SLIT1: variants seen among roughly 807,000 people sequenced by gnomAD.
SLIT1 encodes the protein slit guidance ligand 1.
In SLIT1, 66 loss-of-function variants were observed where a neutral mutation model predicts 186.1. The ratio of observed to expected loss-of-function variants is 0.35; its 90% CI spans 0.29 to 0.44. The LOEUF (loss-of-function observed/expected upper bound fraction) is 0.44. SLIT1 is among the 20% of genes least tolerant of loss of function. SLIT1 has a pLI of 1.00. For missense variants in SLIT1, 1,638 were observed against 2,037.4 expected, an observed-to-expected ratio of 0.80 and a Z score of 3.77; for synonymous variants, 761 against 833.8, an observed-to-expected ratio of 0.91 and a Z score of 1.50.
At chr10:97,040,367 G>A (rs1460193032) in intron 20 of SLIT1, among the ~76,000 whole-genome samples, 5 of 152,158 alleles carry the variant, frequency 3.3e-5, no homozygotes, top group Non-Finnish European at 5.9e-5. Flanking sequence ...AACTCAAAGT[G>A]GACCTGGTCA....
chr10:97,100,635 A>AAG (rs1436303197), intron 4 of SLIT1, among the ~76,000 whole-genome samples: 1 of 151,942 alleles, frequency 6.6e-6, no homozygotes, highest in Admixed American at 6.6e-5. Context: ...TCTGTCTCAA[A>AAG]AAAAAAAAAA....
chr10:97,128,927 A>G (rs981299531), intron 4 of SLIT1, among the ~76,000 whole-genome samples: 1 of 40,570 alleles, frequency 2.5e-5, no homozygotes, highest in Non-Finnish European at 1.0e-4. Flanking sequence ...AAACTAAGAC[A>G]AAAAAAAATC....
chr10:97,091,214 A>G (rs577423951), intron 4 of SLIT1, among the ~76,000 whole-genome samples: 2 of 152,294 alleles, frequency 1.3e-5, no homozygotes, highest in South Asian at 4.1e-4. Context: ...CTGAAAACCA[A>G]TTAGTGTGGA....
At chr10:97,073,703 A>G (rs1201369694) in intron 4 of SLIT1, among the ~76,000 whole-genome samples, 1 of 152,168 alleles carries the variant, frequency 6.6e-6, no homozygotes, top group African/African-American at 2.4e-5. Context: ...TGCTGAGGAC[A>G]AAGCCCACAG....
chr10:97,059,349 G>A, intron 11 of SLIT1, 111 bp downstream of exon 11: 1 of 864,116 alleles, frequency 1.2e-6, no homozygotes. Context: ...GGGCTGTGTG[G>A]AGGGGGGCAT....
At chr10:97,063,409 C>A in intron 8 of SLIT1, 46 bp downstream of exon 8, 1 of 1,604,926 alleles carries the variant, frequency 6.2e-7, no homozygotes, top group South Asian at 1.1e-5. Context: ...AGAGGCAGGG[C>A]AGGAGGCGCC....
At chr10:97,152,349 G>A (rs1378606116) in intron 4 of SLIT1, among the ~76,000 whole-genome samples, 1 of 152,214 alleles carries the variant, frequency 6.6e-6, no homozygotes, top group Non-Finnish European at 1.5e-5. Flanking sequence ...TGGCACAAGG[G>A]ACAGGGGAAG....
intron 4 of SLIT1, among the ~76,000 whole-genome samples, chr10:97,145,401 C>T (rs1219625477): frequency 1.3e-5 from 2 of 152,190 alleles, no homozygotes; most frequent in African/African-American, 4.8e-5. Context: ...CAGGCGTGAG[C>T]CACTGTGCCT....
chr10:97,021,046 G>T lies in SLIT1; in HGVS notation c.2746+204C>A, dbSNP rs757583296. 3.3e-5 allele frequency among the ~76,000 whole-genome samples: 5 copies of T among 152,210 alleles called. No homozygotes were observed. Among genetic ancestry groups the T allele is most frequent in the Non-Finnish European group, 7.3e-5 (5 of 68,050 alleles). On this transcript the variant is annotated intron_variant, in intron 26 of 36. Coordinates refer to ENST00000266058, the MANE Select transcript of SLIT1 (RefSeq NM_003061.3). The surrounding 1 kb of genome is among the most constrained non-coding windows in gnomAD (Gnocchi z 4.5). ...CACAGGGAGGGATTACGGCCCTGAC[G>T]GCCTGGGATTTTTCTGCCTGGCTCT...
At chr10:97,108,612 C>G (rs1370995119) in intron 4 of SLIT1, among the ~76,000 whole-genome samples, 1 of 152,216 alleles carries the variant, frequency 6.6e-6, no homozygotes, top group African/African-American at 2.4e-5. Flanking sequence ...CACATTTGGC[C>G]AGGTGTGGTG....
intron 20 of SLIT1, among the ~76,000 whole-genome samples, 158 bp downstream of exon 20, chr10:97,042,743 C>T (rs939955058): frequency 6.6e-6 from 1 of 152,206 alleles, no homozygotes; most frequent in Non-Finnish European, 1.5e-5. Flanking sequence ...GCAGGCGCGT[C>T]TCCTCCTGAA....
chr10:97,094,437 C>T (rs1041482411), intron 4 of SLIT1, among the ~76,000 whole-genome samples: 1 of 152,228 alleles, frequency 6.6e-6, no homozygotes, highest in Non-Finnish European at 1.5e-5. Flanking sequence ...TGTCTGATCC[C>T]ACCATGCCTC....
chr10:97,015,350 A>G (rs1386915226), intron 28 of SLIT1, among the ~76,000 whole-genome samples: 2 of 152,230 alleles, frequency 1.3e-5, no homozygotes, highest in African/African-American at 4.8e-5. Flanking sequence ...GTGCACTGGA[A>G]GTAATTGAAG....
At position 97,040,184 on chromosome 10, in the gene SLIT1, G is replaced by C. The variant is rs1848678427; in HGVS notation, c.2165-64C>G. On this transcript the variant is annotated intron_variant, in intron 20 of 36. Coordinates refer to ENST00000266058, the MANE Select transcript of SLIT1 (RefSeq NM_003061.3). ...ACGGGCCGCTGTAGGGCCTCCTACA[G>C]TCAGGGCCATGCTCTGGGGCCTCTC... The C allele has an allele frequency of 8.2e-6, 12 of 1,454,620 alleles. No homozygotes were observed. The South Asian group carries it at 1.4e-4, about 17-fold the overall frequency. 90.1% of individuals were successfully genotyped at this position (1,454,620 alleles called of 1,614,324 possible). A position where few individuals can be genotyped will look rare whatever the true frequency, so the allele number is the denominator to read the frequency against.
chr10:97,145,811 C>T lies in SLIT1; in HGVS notation c.413+12007G>A, dbSNP rs137934554. 4.8e-3 allele frequency among the ~76,000 whole-genome samples: 725 copies of T among 152,320 alleles called. 7 individuals carry two copies. The highest frequency in any genetic ancestry group is 0.014 in the African/African-American group (586 of 41,580). On this transcript the variant is annotated intron_variant, in intron 4 of 36. Coordinates refer to ENST00000266058, the MANE Select transcript of SLIT1 (RefSeq NM_003061.3). ...GCTTCTCCAAGATGCTCCACATAAACACTGGGGCCAAAGCCAGACAGACTG... is the reference window on the plus strand; with the variant it reads ...GCTTCTCCAAGATGCTCCACATAAATACTGGGGCCAAAGCCAGACAGACTG...
chr10:97,149,456 A>T (rs1265422644), intron 4 of SLIT1, among the ~76,000 whole-genome samples: 8 of 152,130 alleles, frequency 5.3e-5, no homozygotes, highest in Admixed American at 2.0e-4. Context: ...TGGCTCTCAC[A>T]TTGAACCGGG....
At chr10:97,099,560 A>C (rs1029463412) in intron 4 of SLIT1, among the ~76,000 whole-genome samples, 3 of 152,178 alleles carry the variant, frequency 2.0e-5, no homozygotes, top group African/African-American at 7.2e-5. Flanking sequence ...TGGCTCACCT[A>C]GTGTCCATCT....
At chr10:97,035,537 C>T (rs534921620) in intron 22 of SLIT1, among the ~76,000 whole-genome samples, 1 of 152,268 alleles carries the variant, frequency 6.6e-6, no homozygotes, top group South Asian at 2.1e-4. Context: ...GTGCCCTCCT[C>T]CTGAGCCAGC....
At chr10:97,073,113 TTC>T (rs1278910487) in intron 4 of SLIT1, among the ~76,000 whole-genome samples, 2 of 152,226 alleles carry the variant, frequency 1.3e-5, no homozygotes, top group Non-Finnish European at 2.9e-5. Flanking sequence ...CTCTTTTTTT[TTC>T]TTTTTGCTCC....
Sources: allele counts gnomAD v4.1 joint callset (sites outside exome capture counted in the v4.1 genomes callset), GRCh38; gene constraint gnomAD v4.1.1; non-coding constraint Gnocchi (gnomAD v3.1); transcripts MANE v1.5; gene names NCBI Gene and HGNC (gene_info 2026-07-23, HGNC 2026-07-21).